Variants in CELF1 observed in about 807,000 individuals in gnomAD.
CELF1 encodes the protein 50 kDa nuclear polyadenylated RNA-binding protein.
Under a neutral mutation model 61.8 loss-of-function variants are expected in CELF1, and 10 were observed. The observed-to-expected ratio is 0.16, with a 90% CI of 0.10 to 0.27. CELF1 has a LOEUF of 0.27. CELF1 is among the 10% of genes least tolerant of loss of function. The probability of loss-of-function intolerance (pLI) is 1.00; values close to 1 mark genes in which losing one functional copy is unlikely to be tolerated. For synonymous variants in CELF1, 236 were observed against 225.1 expected (o/e 1.05, Z -0.43); for missense variants, 380 against 639.1 (o/e 0.59, Z 4.37).
chr11:47,478,789 C>T, intron 10 of CELF1, 88 bp downstream of exon 10: 1 of 1,093,680 alleles, frequency 9.1e-7, no homozygotes. Flanking sequence ...AATGTTTTCA[C>T]AGAAACGATG....
chr11:47,548,327 T>A (rs1393426458), intron 1 of CELF1, among the ~76,000 whole-genome samples: 2 of 151,990 alleles, frequency 1.3e-5, no homozygotes, highest in African/African-American at 2.4e-5. Context: ...AACCTAAATG[T>A]AAGACCTAAA....
At chr11:47,512,015 A>G (rs1434425778) in intron 1 of CELF1, among the ~76,000 whole-genome samples, 1 of 151,882 alleles carries the variant, frequency 6.6e-6, no homozygotes, top group African/African-American at 2.4e-5. Flanking sequence ...TGCCCAGCTA[A>G]TGTTTTGTAT....
At chr11:47,523,054 C>T (rs1466032827) in intron 1 of CELF1, among the ~76,000 whole-genome samples, 1 of 151,954 alleles carries the variant, frequency 6.6e-6, no homozygotes, top group South Asian at 2.1e-4. Flanking sequence ...TCTGAGAACA[C>T]TTATTTATGT....
chr11:47,542,734 G>A (rs571221787), intron 1 of CELF1, among the ~76,000 whole-genome samples: 2 of 151,044 alleles, frequency 1.3e-5, no homozygotes, highest in East Asian at 1.9e-4. Context: ...CTGGCCTCAC[G>A]TGATCCGCGT....
intron 1 of CELF1, among the ~76,000 whole-genome samples, chr11:47,526,155 C>A (rs2096231769): frequency 1.3e-5 from 2 of 152,054 alleles, no homozygotes; most frequent in South Asian, 2.1e-4. Flanking sequence ...CAGGGAGAAA[C>A]CCCGTCTTTA....
intron 1 of CELF1, among the ~76,000 whole-genome samples, chr11:47,510,875 A>G (rs2095085924): frequency 6.6e-6 from 1 of 152,130 alleles, no homozygotes; most frequent in Non-Finnish European, 1.5e-5. Flanking sequence ...CTAATAAAGA[A>G]TTTAGCCAGG....
chr11:47,471,993 G>T lies in CELF1; in HGVS notation c.*237C>A. The T allele has an allele frequency of 2.1e-6, 1 of 469,840 alleles. No homozygotes were observed. Among genetic ancestry groups the T allele is most frequent in the Non-Finnish European group, 3.8e-6 (1 of 260,888 alleles). 29.1% of individuals were successfully genotyped at this position (469,840 alleles called of 1,614,324 possible). On this transcript the variant is annotated 3_prime_UTR_variant, in exon 15 of 15. Transcript: ENST00000687097. ...AAAAACAAAAAAAACCTCAGGATATGGCACCTAAACTCCAAAGTAAAACAC... is the reference window on the plus strand; with the variant it reads ...AAAAACAAAAAAAACCTCAGGATATTGCACCTAAACTCCAAAGTAAAACAC...
intron 1 of CELF1, among the ~76,000 whole-genome samples, chr11:47,525,796 G>A (rs1222809229): frequency 6.6e-6 from 1 of 152,112 alleles, no homozygotes; most frequent in African/African-American, 2.4e-5. Context: ...TAAGAGAAGA[G>A]AGGCTGGCCT....
intron 1 of CELF1, among the ~76,000 whole-genome samples, chr11:47,519,920 C>T (rs897708459): frequency 2.1e-5 from 3 of 145,528 alleles, no homozygotes; most frequent in Non-Finnish European, 4.6e-5. Flanking sequence ...TCATCTGTCA[C>T]ATCCTTCAAA....
At chr11:47,514,468 T>C (rs1024159180) in intron 1 of CELF1, among the ~76,000 whole-genome samples, 3 of 152,064 alleles carry the variant, frequency 2.0e-5, no homozygotes, top group Admixed American at 2.0e-4. Flanking sequence ...CATGAGTATA[T>C]AAGCACCTAA....
intron 1 of CELF1, among the ~76,000 whole-genome samples, chr11:47,537,306 G>A (rs11039280): frequency 0.35 from 52,245 of 148,916 alleles, 10,282 homozygotes; most frequent in South Asian, 0.51. Flanking sequence ...AGAGTGCAGT[G>A]GCGCCATCTT....
chr11:47,539,401 C>T (rs533442310), intron 1 of CELF1, among the ~76,000 whole-genome samples: 17 of 152,246 alleles, frequency 1.1e-4, no homozygotes, highest in Admixed American at 2.0e-4. Flanking sequence ...CCTGTAATCC[C>T]GGCACTTTGG....
At chr11:47,553,486 A>C (rs1009630732), upstream of CELF1, among the ~76,000 whole-genome samples, 2 of 152,202 alleles carry the variant, frequency 1.3e-5, no homozygotes, top group African/African-American at 4.8e-5. Context: ...CCTGGTGGGC[A>C]AGGAGGCACC....
intron 5 of CELF1, 110 bp from the exon 6 acceptor site, chr11:47,486,908 C>A: frequency 1.1e-6 from 1 of 878,442 alleles, no homozygotes; most frequent in Non-Finnish European, 1.9e-6. Flanking sequence ...TCTCTGAACT[C>A]ATGTCTGCTT....
chr11:47,541,741 C>G (rs1400913257), intron 1 of CELF1, among the ~76,000 whole-genome samples: 1 of 11,948 alleles, frequency 8.4e-5, no homozygotes, highest in African/African-American at 1.6e-4. Flanking sequence ...AAAGAAAGAA[C>G]GAAAGAAAGA....
At chr11:47,550,439 G>A (rs1221762887) in intron 1 of CELF1, among the ~76,000 whole-genome samples, 1 of 152,152 alleles carries the variant, frequency 6.6e-6, no homozygotes, top group African/African-American at 2.4e-5. Flanking sequence ...GCTGAGGCAG[G>A]AGAACTGCTT....
chr11:47,489,935 G>GTTTTTTTTTTTTTGTTTTTTTTTTTTTT (rs2090284100), intron 3 of CELF1, among the ~76,000 whole-genome samples: 1 of 48,226 alleles, frequency 2.1e-5, no homozygotes, highest in African/African-American at 7.8e-5. Context: ...ATACCATCTT[G>GTTTTTTTTTTTTTGTTTTTTTTTTTTTT]TTTTTTTTTT....
chr11:47,481,102 CTTTTTTTTTTTT>C (rs1187959061), intron 9 of CELF1, among the ~76,000 whole-genome samples: 4 of 71,418 alleles, frequency 5.6e-5, no homozygotes, highest in Admixed American at 2.5e-4. Context: ...TTTTCTTCTT[CTTTTTTTTTTTT>C]TTTTTTTTTT....
At chr11:47,508,477 G>C (rs1384954349) in intron 1 of CELF1, among the ~76,000 whole-genome samples, 4 of 150,784 alleles carry the variant, frequency 2.7e-5, no homozygotes, top group Admixed American at 2.0e-4. Flanking sequence ...TAAGGGACAG[G>C]TATCTTAAGT....
Sources: gnomAD v4.1 joint callset for allele counts (sites outside exome capture counted in the v4.1 genomes callset) on GRCh38, gnomAD v4.1.1 for gene constraint, MANE v1.5 for transcripts, NCBI Gene and HGNC (gene_info 2026-07-23, HGNC 2026-07-21) for gene names.